PCDH11X: variants seen among roughly 807,000 people sequenced by gnomAD.
The protein encoded by PCDH11X is protocadherin 11 X-linked.
In PCDH11X, 18 loss-of-function variants were observed where a neutral mutation model predicts 53.3. That is an observed-to-expected ratio of 0.34 (90% confidence interval 0.23 to 0.50). PCDH11X has a LOEUF of 0.50. Ranked by LOEUF, PCDH11X falls within the 20% of genes least tolerant of loss-of-function variation. PCDH11X has a pLI of 0.98. For synonymous variants in PCDH11X, 279 were observed against 393.3 expected (o/e 0.71, Z 3.44); for missense variants, 570 against 1,032.4 (o/e 0.55, Z 6.14).
intron 9 of PCDH11X, among the ~76,000 whole-genome samples, chrX:92,444,501 C>A (rs1393462825): frequency 9.3e-6 from 1 of 107,027 alleles, no homozygotes; most frequent in Non-Finnish European, 1.9e-5. Context: ...TGACTCTTTT[C>A]TTTTTTTCCT....
At chrX:92,560,539 C>T (rs2075116536) in intron 10 of PCDH11X, among the ~76,000 whole-genome samples, 1 of 107,202 alleles carries the variant, frequency 9.3e-6, no homozygotes, top group Admixed American at 1.0e-4. Flanking sequence ...ATTTATGGAC[C>T]TGCCCTAGGC....
intron 10 of PCDH11X, among the ~76,000 whole-genome samples, chrX:92,597,790 A>T (rs1925794538): frequency 9.0e-6 from 1 of 111,714 alleles, no homozygotes; most frequent in South Asian, 3.7e-4. Flanking sequence ...TTACAGAGCT[A>T]TAGTAACCAA....
chrX:92,245,607 A>C (rs2067334756), intron 7 of PCDH11X, among the ~76,000 whole-genome samples: 1 of 112,295 alleles, frequency 8.9e-6, no homozygotes, highest in Non-Finnish European at 1.9e-5. Context: ...TGAATAAATG[A>C]ATGAGCAACT....
chrX:92,000,221 C>T (rs184221304), intron 6 of PCDH11X, among the ~76,000 whole-genome samples: 1 of 111,394 alleles, frequency 9.0e-6, no homozygotes, highest in African/African-American at 3.3e-5. Flanking sequence ...TCAAACAGAC[C>T]ACATTTGAGT....
intron 6 of PCDH11X, among the ~76,000 whole-genome samples, chrX:91,991,585 C>CT (rs1190657424): frequency 0.018 from 1,483 of 80,862 alleles, 26 homozygotes; most frequent in African/African-American, 0.045. Context: ...CTATTTAATT[C>CT]TTTTTTTTTT....
At chrX:92,011,718 G>A (rs2062694633) in intron 6 of PCDH11X, among the ~76,000 whole-genome samples, 1 of 111,153 alleles carries the variant, frequency 9.0e-6, no homozygotes, top group African/African-American at 3.3e-5. Context: ...GTCAAATTAG[G>A]TAGATATACA....
intron 6 of PCDH11X, among the ~76,000 whole-genome samples, chrX:91,973,104 A>G (rs2061990946): frequency 9.1e-6 from 1 of 109,626 alleles, no homozygotes; most frequent in Non-Finnish European, 1.9e-5. Flanking sequence ...AATACTATGC[A>G]GCCATAAAAA....
intron 9 of PCDH11X, among the ~76,000 whole-genome samples, chrX:92,394,008 G>A (rs1254853436): frequency 1.8e-5 from 2 of 110,584 alleles, no homozygotes; most frequent in African/African-American, 3.3e-5. Context: ...GGTAAAACAC[G>A]TCTTACGATA....
chrX:91,982,062 C>T (rs1053672651), intron 6 of PCDH11X, among the ~76,000 whole-genome samples: 1 of 111,023 alleles, frequency 9.0e-6, no homozygotes, highest in Non-Finnish European at 1.9e-5. Flanking sequence ...GGCTAAAAAA[C>T]GCAACACAGG....
intron 5 of PCDH11X, among the ~76,000 whole-genome samples, chrX:91,847,516 C>T (rs770409808): frequency 9.0e-6 from 1 of 111,164 alleles, no homozygotes; most frequent in South Asian, 3.8e-4. Flanking sequence ...CAAATTTCTA[C>T]AGTAATTCCT....
At chrX:91,907,506 A>G (rs1941226162) in intron 6 of PCDH11X, among the ~76,000 whole-genome samples, 1 of 106,434 alleles carries the variant, frequency 9.4e-6, no homozygotes, top group Non-Finnish European at 1.9e-5. Context: ...CTTAAATACT[A>G]CCAATGGTTT....
At chrX:92,009,700 C>CTTTT (rs68159170) in intron 6 of PCDH11X, among the ~76,000 whole-genome samples, 50 of 66,632 alleles carry the variant, frequency 7.5e-4, no homozygotes, top group East Asian at 3.9e-3. Context: ...TGACTGTTGC[C>CTTTT]TTTTTTTTTT....
intron 8 of PCDH11X, among the ~76,000 whole-genome samples, chrX:92,385,810 A>G (rs1293953685): frequency 9.0e-6 from 1 of 111,417 alleles, no homozygotes; most frequent in Non-Finnish European, 1.9e-5. Context: ...TGACAGAATG[A>G]GACCCTGTCT....
At chrX:92,132,266 C>G (rs1194401152) in intron 6 of PCDH11X, among the ~76,000 whole-genome samples, 1 of 50,403 alleles carries the variant, frequency 2.0e-5, no homozygotes, top group Non-Finnish European at 3.3e-5. Context: ...GCCTGGGCAA[C>G]AAGAGCAAAC....
rs756086460 is a variant in PCDH11X, at chrX:92,620,307, G to T, written c.*1367G>T. On this transcript the variant is annotated 3_prime_UTR_variant, in exon 11 of 11. Transcript: ENST00000682573. ...TAGAAAACATTAGTTTTCTTCTGTT[G>T]TCTGTTATTTCCTTCTTGTATCCTC... 7 of 110,597 alleles carry T rather than the reference G, an allele frequency of 6.3e-5. No homozygotes were observed. Among genetic ancestry groups the T allele is most frequent in the Admixed American group, 4.8e-4 (5 of 10,319 alleles). The allele number at this position is 110,597 out of a possible 1,213,427, so 9.1% of individuals were successfully genotyped here.
intron 1 of PCDH11X, among the ~76,000 whole-genome samples, chrX:91,785,494 T>C (rs1299970296): frequency 8.9e-6 from 1 of 111,977 alleles, no homozygotes; most frequent in Non-Finnish European, 1.9e-5. Context: ...TCAGTGGAAT[T>C]GATTCAACAT....
intron 6 of PCDH11X, among the ~76,000 whole-genome samples, chrX:91,950,257 C>T (rs112720421): frequency 9.4e-6 from 1 of 105,880 alleles, no homozygotes; most frequent in Non-Finnish European, 1.9e-5. Flanking sequence ...ACCTGAGTAG[C>T]GTACACTCTA....
At chrX:92,592,836 A>T (rs1925173724) in intron 10 of PCDH11X, among the ~76,000 whole-genome samples, 1 of 112,028 alleles carries the variant, frequency 8.9e-6, no homozygotes, top group Non-Finnish European at 1.9e-5. Flanking sequence ...CTCCATAGAT[A>T]ATGGAGCTAT....
chrX:91,780,082 A>G (rs1935078988), intron 1 of PCDH11X, among the ~76,000 whole-genome samples: 1 of 111,861 alleles, frequency 8.9e-6, no homozygotes, highest in Non-Finnish European at 1.9e-5. Flanking sequence ...ACAAAAGAGC[A>G]CGTCCCGGAC....
Sources: gnomAD v4.1 joint callset for allele counts (sites outside exome capture counted in the v4.1 genomes callset) on GRCh38, gnomAD v4.1.1 for gene constraint, MANE v1.5 for transcripts, NCBI Gene and HGNC (gene_info 2026-07-23, HGNC 2026-07-21) for gene names.